The following ROBO1 variants were observed in gnomAD, a reference collection of about 807,000 sequenced individuals.
ROBO1 encodes roundabout guidance receptor 1, also known as roundabout homolog 1.
ROBO1 carries 149 observed loss-of-function variants against 195.9 expected under a neutral mutation model. The ratio of observed to expected loss-of-function variants is 0.76; its 90% confidence interval spans 0.67 to 0.87. ROBO1 has a LOEUF of 0.87. ROBO1 is among the 40% of genes least tolerant of loss of function. The pLI is 0.00. For synonymous variants in ROBO1, 816 were observed against 733.2 expected, an observed-to-expected ratio of 1.11 and a Z score of -1.82; for missense variants, 1,933 against 2,068.3, an observed-to-expected ratio of 0.93 and a Z score of 1.27.
At chr3:78,651,139 T>G (rs1014771185) in intron 19 of ROBO1, among the ~76,000 whole-genome samples, 1 of 152,172 alleles carries the variant, frequency 6.6e-6, no homozygotes, top group African/African-American at 2.4e-5. Context: ...GTAAACACAT[T>G]CGTAACAAAA....
intron 1 of ROBO1, among the ~76,000 whole-genome samples, chr3:79,685,732 G>A (rs1947085489): frequency 6.6e-6 from 1 of 152,040 alleles, no homozygotes; most frequent in South Asian, 2.1e-4. Context: ...AAAGAGGGAT[G>A]GAAATAAGGC....
intron 25 of ROBO1, among the ~76,000 whole-genome samples, chr3:78,629,011 A>G (rs1705002661): frequency 6.6e-6 from 1 of 151,820 alleles, no homozygotes; most frequent in Non-Finnish European, 1.5e-5. Flanking sequence ...TGGCTCTCTA[A>G]TTGTTTAGAG....
chr3:79,298,565 T>G (rs536828280), intron 2 of ROBO1, among the ~76,000 whole-genome samples: 1 of 152,240 alleles, frequency 6.6e-6, no homozygotes, highest in East Asian at 1.9e-4. Context: ...TAGAATTTCT[T>G]TTTCTTATTT....
intron 2 of ROBO1, among the ~76,000 whole-genome samples, chr3:79,504,725 C>T (rs970457416): frequency 1.3e-5 from 2 of 152,022 alleles, no homozygotes; most frequent in Non-Finnish European, 2.9e-5. Context: ...ATGCTATCTC[C>T]CCAATTTGTT....
chr3:79,367,874 A>G (rs2036036118), intron 2 of ROBO1, among the ~76,000 whole-genome samples: 1 of 152,224 alleles, frequency 6.6e-6, no homozygotes, highest in African/African-American at 2.4e-5. Context: ...TTTTGTGCCT[A>G]GCATACTGCT....
At chr3:78,641,232 A>C (rs1441659177) in intron 21 of ROBO1, among the ~76,000 whole-genome samples, 1 of 152,154 alleles carries the variant, frequency 6.6e-6, no homozygotes, top group Non-Finnish European at 1.5e-5. Flanking sequence ...CGTCTAAGAG[A>C]GGTTAAGAAG....
At chr3:78,987,974 T>C (rs2077151484) in intron 3 of ROBO1, among the ~76,000 whole-genome samples, 1 of 152,106 alleles carries the variant, frequency 6.6e-6, no homozygotes, top group Non-Finnish European at 1.5e-5. Context: ...AAATAATAAA[T>C]AATTGATGAA....
chr3:79,057,829 A>G (rs921151312), intron 3 of ROBO1, among the ~76,000 whole-genome samples: 3 of 152,126 alleles, frequency 2.0e-5, no homozygotes, highest in African/African-American at 4.8e-5. Context: ...AGAAATCTAC[A>G]CTAATGACAG....
intron 3 of ROBO1, among the ~76,000 whole-genome samples, chr3:78,946,122 C>T (rs2040427737): frequency 6.6e-6 from 1 of 152,152 alleles, no homozygotes; most frequent in South Asian, 2.1e-4. Context: ...AGAAGGACTT[C>T]CCCAATCTAG....
chr3:79,023,628 G>A (rs113459928), intron 3 of ROBO1, among the ~76,000 whole-genome samples: 2,202 of 144,024 alleles, frequency 0.015, 63 homozygotes, highest in African/African-American at 0.054. Context: ...AGGGTTATTC[G>A]TCTTCATTTA....
intron 2 of ROBO1, among the ~76,000 whole-genome samples, chr3:79,216,298 C>T (rs527506983): frequency 6.6e-6 from 1 of 152,100 alleles, no homozygotes; most frequent in South Asian, 2.1e-4. Flanking sequence ...AGATATGCTT[C>T]AGGGCTAGGA....
chr3:79,608,953 G>A (rs1944572825), intron 1 of ROBO1, among the ~76,000 whole-genome samples: 3 of 151,868 alleles, frequency 2.0e-5, no homozygotes, highest in African/African-American at 7.2e-5. Flanking sequence ...TCTTATAAAG[G>A]AGATGTCTTA....
chr3:79,460,808 C>T (rs1027518366), intron 2 of ROBO1, among the ~76,000 whole-genome samples: 3 of 151,856 alleles, frequency 2.0e-5, no homozygotes, highest in African/African-American at 7.3e-5. Flanking sequence ...AGTGCAGTGG[C>T]GCGATCTCAG....
intron 2 of ROBO1, among the ~76,000 whole-genome samples, chr3:79,290,646 A>G (rs2032190850): frequency 6.6e-6 from 1 of 151,944 alleles, no homozygotes; most frequent in Admixed American, 6.6e-5. Flanking sequence ...TTCTTTTATC[A>G]TTTACTAAAA....
intron 8 of ROBO1, among the ~76,000 whole-genome samples, chr3:78,700,282 C>T (rs1023063999): frequency 4.2e-4 from 64 of 152,148 alleles, no homozygotes; most frequent in African/African-American, 1.5e-3. Flanking sequence ...TTATAATAAG[C>T]TCTGTGAAGA....
At chr3:79,267,403 G>A (rs2030062303) in intron 2 of ROBO1, among the ~76,000 whole-genome samples, 1 of 151,476 alleles carries the variant, frequency 6.6e-6, no homozygotes, top group South Asian at 2.1e-4. Flanking sequence ...CAGTCAAGGT[G>A]ATAGTCTAGG....
chr3:78,924,180 C>T (rs548797664), intron 4 of ROBO1, among the ~76,000 whole-genome samples: 1 of 151,944 alleles, frequency 6.6e-6, no homozygotes, highest in South Asian at 2.1e-4. Context: ...GACATTTATA[C>T]CAAGCTATCT....
chr3:78,697,214 TAAG>T (rs925402772), intron 8 of ROBO1, among the ~76,000 whole-genome samples: 7 of 139,494 alleles, frequency 5.0e-5, no homozygotes, highest in Non-Finnish European at 7.7e-5. Flanking sequence ...ATAAATAAGA[TAAG>T]AAGAGAGCAA....
At chr3:78,779,952 G>C (rs2083623597) in intron 4 of ROBO1, among the ~76,000 whole-genome samples, 2 of 152,116 alleles carry the variant, frequency 1.3e-5, no homozygotes, top group Admixed American at 6.6e-5. Flanking sequence ...CATGTCCTTT[G>C]CAAGGACATG....
Sources: gnomAD v4.1 joint callset for allele counts (sites outside exome capture counted in the v4.1 genomes callset) on GRCh38, gnomAD v4.1.1 for gene constraint, MANE v1.5 for transcripts, NCBI Gene and HGNC (gene_info 2026-07-23, HGNC 2026-07-21) for gene names.